PPP1R13B: variants seen among roughly 807,000 people sequenced by gnomAD.
PPP1R13B encodes protein phosphatase 1 regulatory subunit 13B, also known as apoptosis-stimulating of p53 protein 1.
In PPP1R13B, 44 loss-of-function variants were observed where a neutral mutation model predicts 119.8. The observed-to-expected ratio is 0.37, with a 90% CI of 0.29 to 0.47. The LOEUF is 0.47. Ranked by LOEUF, PPP1R13B falls within the 20% of genes least tolerant of loss-of-function variation. PPP1R13B has a pLI of 0.99. For synonymous variants in PPP1R13B, 542 were observed against 561.5 expected (o/e 0.97, Z 0.49); for missense variants, 1,227 against 1,413.5 (o/e 0.87, Z 2.12).
intron 2 of PPP1R13B, among the ~76,000 whole-genome samples, chr14:103,793,859 C>G (rs1414495813): frequency 1.3e-5 from 2 of 152,148 alleles, no homozygotes; most frequent in African/African-American, 4.8e-5. Flanking sequence ...ACTGTGTCCC[C>G]GCTAAATTCA....
At chr14:103,848,125 C>A (rs140950233), upstream of PPP1R13B, 4,029 of 598,774 alleles carry the variant, frequency 6.7e-3, 130 homozygotes, top group African/African-American at 0.076. Context: ...CCCGGCCCGA[C>A]GCCCTTGGCT....
chr14:103,745,819 G>GT (rs963270981), intron 9 of PPP1R13B, among the ~76,000 whole-genome samples: 18 of 151,900 alleles, frequency 1.2e-4, no homozygotes, highest in African/African-American at 2.2e-4. Context: ...GTTTTGTTTT[G>GT]TTTTTTTTGA....
chr14:103,821,944 T>C (rs953704280), intron 1 of PPP1R13B, among the ~76,000 whole-genome samples: 4 of 152,084 alleles, frequency 2.6e-5, no homozygotes, highest in Non-Finnish European at 5.9e-5. Context: ...TGAGCTATCA[T>C]AAAATTAAGA....
intron 1 of PPP1R13B, among the ~76,000 whole-genome samples, chr14:103,838,210 G>GCA (rs10640450): frequency 0.14 from 21,157 of 149,360 alleles, 2,496 homozygotes; most frequent in African/African-American, 0.33. Context: ...CTCTGTTATG[G>GCA]CACACACACA....
In PPP1R13B at chr14:103,847,367, G is replaced by T; in HGVS notation, c.-60C>A. The T allele has an allele frequency of 1.7e-6, 2 of 1,146,378 alleles. No homozygotes were observed. The highest frequency in any genetic ancestry group is 1.1e-6 in the Non-Finnish European group (1 of 926,136). The allele number at this position is 1,146,378 out of a possible 1,614,324, so 71.0% of individuals were successfully genotyped here. ...CTGACAGGACGCTCCGCGCCGAGCT[G>T]TGCCCACCGCTCCGGCCGCCTCCTA... is the stretch of plus-strand genomic sequence containing the variant. On this transcript the variant is annotated 5_prime_UTR_variant, in exon 1 of 17. Coordinates refer to ENST00000202556, the MANE Select transcript of PPP1R13B (RefSeq NM_015316.3).
intron 1 of PPP1R13B, among the ~76,000 whole-genome samples, chr14:103,834,668 A>G (rs2086735129): frequency 7.5e-6 from 1 of 133,126 alleles, no homozygotes; most frequent in South Asian, 2.4e-4. Context: ...TCGACTCACC[A>G]CAACCTCCGC....
rs1054622813 is a variant in PPP1R13B, at chr14:103,734,688, T to C, written c.*466A>G. On this transcript the variant is annotated 3_prime_UTR_variant, in exon 17 of 17. Coordinates refer to ENST00000202556, the MANE Select transcript of PPP1R13B (RefSeq NM_015316.3). The stretch of plus-strand genomic sequence containing the variant: ...CCTTTGGTGATGAAGGGAAGAAGGA[T>C]CATGTGTGGGAAGTGTGAGAAAGGA... The C allele has an allele frequency of 8.8e-6, 4 of 457,124 alleles. No individual in the cohort carries two copies. The highest frequency in any genetic ancestry group is 8.0e-5 in the African/African-American group (4 of 50,072). The allele number at this position is 457,124 out of a possible 1,614,324, so 28.3% of individuals were successfully genotyped here. A position where few individuals can be genotyped will look rare whatever the true frequency, so the allele number is the denominator to read the frequency against.
At position 103,754,246 on chromosome 14, in the gene PPP1R13B, T is replaced by A; in HGVS notation, c.457-2A>T. ...CTTTAGAAAATGTAAACGCTGTTCC[T>A]AACAAAAGAAAGAAAAATGTAACTT... On this transcript the variant is annotated splice_acceptor_variant, in intron 5 of 16. Transcript: ENST00000202556. LOFTEE classifies it high-confidence loss of function. 2 of 1,597,912 alleles carry A rather than the reference T, an allele frequency of 1.3e-6. No homozygotes were observed. Among genetic ancestry groups the A allele is most frequent in the Non-Finnish European group, 1.7e-6 (2 of 1,173,608 alleles).
At chr14:103,810,284 T>TG (rs1270137721) in intron 1 of PPP1R13B, among the ~76,000 whole-genome samples, 2 of 151,754 alleles carry the variant, frequency 1.3e-5, no homozygotes, top group East Asian at 2.0e-4. Context: ...TAGCCCGACG[T>TG]GGTGGCACAT....
intron 7 of PPP1R13B, among the ~76,000 whole-genome samples, chr14:103,751,302 G>C (rs2084539042): frequency 6.6e-6 from 1 of 152,184 alleles, no homozygotes; most frequent in African/African-American, 2.4e-5. Flanking sequence ...TTAAAATGTA[G>C]AAGTCATGAA....
chr14:103,808,089 A>G (rs1191919744), intron 1 of PPP1R13B, among the ~76,000 whole-genome samples: 2 of 151,828 alleles, frequency 1.3e-5, no homozygotes, highest in Non-Finnish European at 2.9e-5. Context: ...AAAAATACAA[A>G]AAAAAATTAG....
chr14:103,827,568 C>T (rs868593616), intron 1 of PPP1R13B, among the ~76,000 whole-genome samples: 2 of 149,270 alleles, frequency 1.3e-5, no homozygotes, highest in African/African-American at 5.0e-5. Context: ...GTATATATCA[C>T]ACTATAGATC....
At chr14:103,754,282 A>C in intron 5 of PPP1R13B, 38 bp from the exon 6 acceptor site, 2 of 1,586,986 alleles carry the variant, frequency 1.3e-6, no homozygotes, top group Non-Finnish European at 1.7e-6. Context: ...TGAAAATTGA[A>C]GGCTGGGCGC....
intron 9 of PPP1R13B, among the ~76,000 whole-genome samples, chr14:103,745,185 T>A (rs370654287): frequency 5.7e-4 from 87 of 152,284 alleles, no homozygotes; most frequent in African/African-American, 2.1e-3. Flanking sequence ...GGCTTGTGGC[T>A]CACAAGTGCT....
intron 4 of PPP1R13B, among the ~76,000 whole-genome samples, chr14:103,768,010 T>C (rs781203378): frequency 3.3e-5 from 5 of 152,190 alleles, no homozygotes; most frequent in Non-Finnish European, 5.9e-5. Flanking sequence ...CCACTAACCA[T>C]CTTGCTTTTG....
At chr14:103,820,666 T>TTG (rs2086386865) in intron 1 of PPP1R13B, among the ~76,000 whole-genome samples, 1 of 146,332 alleles carries the variant, frequency 6.8e-6, no homozygotes, top group African/African-American at 2.6e-5. Flanking sequence ...TTTTTTTTTT[T>TTG]TTTTTTTTTG....
intron 2 of PPP1R13B, among the ~76,000 whole-genome samples, chr14:103,795,614 G>A (rs1014826551): frequency 6.6e-6 from 1 of 152,062 alleles, no homozygotes; most frequent in Non-Finnish European, 1.5e-5. Context: ...GGCAGATGAG[G>A]AATTAGAATT....
chr14:103,738,597 C>A lies in PPP1R13B; in HGVS notation c.2864+82G>T, dbSNP rs937283129. On this transcript the variant is annotated intron_variant, in intron 14 of 16. Transcript: ENST00000202556. This position sits in a 1 kb window ranked among gnomAD's most constrained non-coding sequence, Gnocchi z 5.6. ...GCTCTAATTCTCTCTTCCGTGCTTC[C>A]TAATTGTCTAGAACACGCCTGTTTT... 16 of 1,569,252 alleles carry A rather than the reference C, an allele frequency of 1.0e-5. No homozygotes were observed. Among genetic ancestry groups the A allele is most frequent in the Non-Finnish European group, 1.3e-5 (15 of 1,149,148 alleles).
rs182682299 is a variant in PPP1R13B, at chr14:103,827,761, C to T, written c.9+19538G>A. On this transcript the variant is annotated intron_variant, in intron 1 of 16. Transcript: ENST00000202556. ...GTTGTCACCTAACAAAAAAAGCTAA[C>T]AAAACACTGAGGTTCATTTTTCCAT... 3.3e-5 allele frequency among the ~76,000 whole-genome samples: 5 copies of T among 151,728 alleles called. No homozygotes were observed. The East Asian group carries it at 9.7e-4, about 29-fold the overall frequency.
Sources: gnomAD v4.1 joint callset for allele counts (sites outside exome capture counted in the v4.1 genomes callset) on GRCh38, gnomAD v4.1.1 for gene constraint, Gnocchi (gnomAD v3.1) non-coding constraint, MANE v1.5 for transcripts, NCBI Gene and HGNC (gene_info 2026-07-23, HGNC 2026-07-21) for gene names.